RNASEH1: variants seen among roughly 807,000 people sequenced by gnomAD.
RNASEH1 encodes ribonuclease H type II.
In RNASEH1, 27 loss-of-function variants were observed where a neutral mutation model predicts 34.6. The observed-to-expected ratio is 0.78, with a 90% CI of 0.58 to 1.08. RNASEH1 has a LOEUF of 1.08. Among genes scored for constraint, RNASEH1 ranks in the 50% least tolerant of loss-of-function variants. The pLI is 0.00. For missense variants in RNASEH1, 349 were observed against 373.6 expected (o/e 0.93, Z 0.54); for synonymous variants, 162 against 138.4 (o/e 1.17, Z -1.20).
In RNASEH1 at chr2:3,541,703, C is replaced by T. The variant is rs926867185; in HGVS notation, c.*4082G>A. On this transcript the variant is annotated 3_prime_UTR_variant, in exon 8 of 8. Transcript: ENST00000315212. Reference sequence around the variant, plus strand: ...GGGAGCAGACCAGTGGTTGCCTGAACATGGAGGACACGAGGGACGGTTTAG... The same window carrying T: ...GGGAGCAGACCAGTGGTTGCCTGAATATGGAGGACACGAGGGACGGTTTAG... Among the ~76,000 whole-genome samples the T allele has an allele frequency of 5.3e-5, 8 of 152,198 alleles. No individual in the cohort carries two copies. The highest frequency in any genetic ancestry group is 1.0e-4 in the Non-Finnish European group (7 of 68,034).
intron 1 of RNASEH1, 110 bp from the exon 2 acceptor site, chr2:3,557,014 C>T (rs1043312099): frequency 2.6e-6 from 2 of 775,170 alleles, no homozygotes; most frequent in East Asian, 2.7e-5. Flanking sequence ...CTGAGGGAGA[C>T]TGATTCCAGG....
Position 3,544,078 on chromosome 2 carries a change from G to T in RNASEH1, c.*1707C>A, listed in dbSNP as rs1258952081. On this transcript the variant is annotated 3_prime_UTR_variant, in exon 8 of 8. Coordinates refer to ENST00000315212, the MANE Select transcript of RNASEH1 (RefSeq NM_002936.6). ...TGGGTAACCAGATAAGTATAAAAAA[G>T]AAAACACTTTCTTAGAAAACCATTC... Among the ~76,000 whole-genome samples the T allele has an allele frequency of 6.6e-6, 1 of 152,142 alleles. No individual in the cohort carries two copies. The highest frequency in any genetic ancestry group is 1.5e-5 in the Non-Finnish European group (1 of 68,022).
chr2:3,547,202 G>T lies in RNASEH1; in HGVS notation c.774+729C>A, dbSNP rs180947252. Among the ~76,000 whole-genome samples, 459 of 152,244 alleles carry T rather than the reference G, an allele frequency of 3.0e-3. 2 individuals are homozygous for T. The highest frequency in any genetic ancestry group is 0.011 in the African/African-American group (444 of 41,538). On this transcript the variant is annotated intron_variant, in intron 7 of 7. Coordinates refer to ENST00000315212, the MANE Select transcript of RNASEH1 (RefSeq NM_002936.6). ...GGGTTTGTTTTGTTTTTCTGAGACA[G>T]GGTCTCACTCTGTCGCCCAGGCTAG...
Position 3,558,292 on chromosome 2 carries a change from C to A in RNASEH1, c.-32G>T. ...CTCCCGGCACCGGGAAGCATTTCGA[C>A]TCCCGGCCCAGCGTGGGCGCGAGCC... is the stretch of plus-strand genomic sequence containing the variant. On this transcript the variant is annotated 5_prime_UTR_variant, in exon 1 of 8. Transcript: ENST00000315212. The A allele has an allele frequency of 2.0e-6, 3 of 1,515,006 alleles. No homozygotes were observed. The highest frequency in any genetic ancestry group is 2.6e-6 in the Non-Finnish European group (3 of 1,136,096). 93.8% of individuals were successfully genotyped at this position (1,515,006 alleles called of 1,614,324 possible).
At position 3,543,614 on chromosome 2, in the gene RNASEH1, A is replaced by G. The variant is rs1668478285; in HGVS notation, c.*2171T>C. Among the ~76,000 whole-genome samples the G allele has an allele frequency of 6.6e-6, 1 of 151,948 alleles. No individual in the cohort carries two copies. On this transcript the variant is annotated 3_prime_UTR_variant, in exon 8 of 8. Coordinates refer to ENST00000315212, the MANE Select transcript of RNASEH1 (RefSeq NM_002936.6). ...ACCCACCAAGTATGCTTAACTCCAC[A>G]AATTCTTTTTTTTTTTTAAGACAAG...
downstream of RNASEH1, among the ~76,000 whole-genome samples, chr2:3,540,047 G>A (rs1484208318): frequency 6.6e-6 from 1 of 152,094 alleles, no homozygotes; most frequent in South Asian, 2.1e-4. Flanking sequence ...TGACGCTCCA[G>A]TACCGGCAGA....
intron 4 of RNASEH1, 95 bp downstream of exon 4, chr2:3,550,278 G>A: frequency 9.4e-7 from 1 of 1,068,756 alleles, no homozygotes; most frequent in Non-Finnish European, 1.5e-6. Context: ...CTTATCTGCA[G>A]GTTTTCCCAA....
At chr2:3,556,662 G>A in intron 2 of RNASEH1, 127 bp downstream of exon 2, 1 of 636,796 alleles carries the variant, frequency 1.6e-6, no homozygotes, top group Non-Finnish European at 2.8e-6. Context: ...TCCCTAATTT[G>A]TAAAATGAAA....
chr2:3,532,042 A>G, the RNASEH1 span: 22 of 566,946 alleles, frequency 3.9e-5, no homozygotes, highest in Non-Finnish European at 5.7e-5. Context: ...AAGACAAGAC[A>G]GCAAGATTTC....
At chr2:3,535,125 C>T in the RNASEH1 span, among the ~76,000 whole-genome samples, 12 of 152,094 alleles carry the variant, frequency 7.9e-5, no homozygotes, top group South Asian at 2.1e-4. Context: ...CACTTAAAAA[C>T]GGCTAAGATG....
At chr2:3,548,821 A>G (rs1031643706) in intron 5 of RNASEH1, 97 bp from the exon 6 acceptor site, 1 of 847,582 alleles carries the variant, frequency 1.2e-6, no homozygotes, top group African/African-American at 1.7e-5. Context: ...TCCCCTCTGT[A>G]CTGATTATAT....
chr2:3,550,897 T>G (rs1659811543), intron 3 of RNASEH1, among the ~76,000 whole-genome samples: 1 of 152,236 alleles, frequency 6.6e-6, no homozygotes, highest in African/African-American at 2.4e-5. Context: ...TCCTGACCAG[T>G]GCTGGTCTAA....
At chr2:3,532,878 G>A in the RNASEH1 span, among the ~76,000 whole-genome samples, 19 of 152,208 alleles carry the variant, frequency 1.2e-4, no homozygotes, top group African/African-American at 2.4e-5. Flanking sequence ...ATAAAGGCTG[G>A]GAGGCACCGC....
At position 3,557,821 on chromosome 2, in the gene RNASEH1, T is replaced by G. The variant is rs1424078022; in HGVS notation, c.128+312A>C. 11 of 1,283,644 alleles carry G rather than the reference T, an allele frequency of 8.6e-6. No homozygotes were observed. In the Admixed American group the frequency reaches 2.2e-4, roughly 26 times the overall value. 79.5% of individuals were successfully genotyped at this position (1,283,644 alleles called of 1,614,324 possible). A position where few individuals can be genotyped will look rare whatever the true frequency, so the allele number is the denominator to read the frequency against. ...GTAACGGGGGTTCGTTCTGATTACG[T>G]GTCACTTTTTGTTGCACTTTAACTG... On this transcript the variant is annotated intron_variant, in intron 1 of 7. Coordinates refer to ENST00000315212, the MANE Select transcript of RNASEH1 (RefSeq NM_002936.6).
At position 3,549,131 on chromosome 2, in the gene RNASEH1, A is replaced by G; in HGVS notation, c.510-19T>C. 2 of 1,580,730 alleles carry G rather than the reference A, an allele frequency of 1.3e-6. No homozygotes were observed. Among genetic ancestry groups the G allele is most frequent in the Non-Finnish European group, 1.7e-6 (2 of 1,150,638 alleles). On this transcript the variant is annotated intron_variant, in intron 4 of 7. Transcript: ENST00000315212. ...TACATTTCTGTTTCAAAACAGTACA[A>G]AAGAAAATAAAAGTATAAAGTGAAT...
rs181650367 is a variant in RNASEH1 at position 3,543,421 on chromosome 2, C to T, written c.*2364G>A. Reference sequence around the variant, plus strand: ...TTGGGCCTAGAGCATCTTGACATGCCAGGCTGCAGGGAGCTATCAATGACT... The same window carrying T: ...TTGGGCCTAGAGCATCTTGACATGCTAGGCTGCAGGGAGCTATCAATGACT... On this transcript the variant is annotated 3_prime_UTR_variant, in exon 8 of 8. Transcript: ENST00000315212. Among the ~76,000 whole-genome samples, 1 of 152,240 alleles carries T rather than the reference C, an allele frequency of 6.6e-6. No homozygotes were observed. The highest frequency in any genetic ancestry group is 1.9e-4 in the East Asian group (1 of 5,176).
chr2:3,551,590 T>C (rs1010905091), intron 3 of RNASEH1, among the ~76,000 whole-genome samples: 17 of 152,218 alleles, frequency 1.1e-4, no homozygotes, highest in African/African-American at 4.1e-4. Context: ...CCTATAAATA[T>C]ACTGATTTAT....
At chr2:3,546,344 G>A (rs1572291305) in intron 7 of RNASEH1, among the ~76,000 whole-genome samples, 1 of 152,210 alleles carries the variant, frequency 6.6e-6, no homozygotes, top group East Asian at 1.9e-4. Context: ...GAACAAGGCA[G>A]GGTTGAGACA....
intron 7 of RNASEH1, among the ~76,000 whole-genome samples, chr2:3,547,014 T>C (rs565268159): frequency 7.4e-4 from 113 of 152,240 alleles, no homozygotes; most frequent in African/African-American, 2.3e-3. Context: ...TCCCAGATAC[T>C]TGGGAGGCTG....
Sources: gnomAD v4.1 joint callset for allele counts (sites outside exome capture counted in the v4.1 genomes callset) on GRCh38, gnomAD v4.1.1 for gene constraint, MANE v1.5 for transcripts, NCBI Gene and HGNC (gene_info 2026-07-23, HGNC 2026-07-21) for gene names.